Variants in ADGRV1 observed in about 807,000 individuals in gnomAD.
The protein encoded by ADGRV1 is G-protein coupled receptor 98.
Under a neutral mutation model 596.2 loss-of-function variants are expected in ADGRV1, and 359 were observed. The observed-to-expected ratio is 0.60, with a 90% confidence interval of 0.55 to 0.66. The LOEUF is 0.66. ADGRV1 is among the 30% of genes least tolerant of loss of function. The probability of loss-of-function intolerance (pLI) is 0.00; values close to 1 mark genes in which losing one functional copy is unlikely to be tolerated. For synonymous variants in ADGRV1, 2,681 were observed against 2,679.2 expected (o/e 1.00, Z -0.02); for missense variants, 7,274 against 7,575.6 (o/e 0.96, Z 1.48).
chr5:90,970,725 CA>C (rs1778894267), intron 84 of ADGRV1, among the ~76,000 whole-genome samples: 1 of 151,928 alleles, frequency 6.6e-6, no homozygotes, highest in South Asian at 2.1e-4. Context: ...CATCAAAGAC[CA>C]AAGGTAGATA....
In ADGRV1 at chr5:91,153,395, A is replaced by G; in HGVS notation, c.18799A>G (p.Thr6267Ala). 6.3e-7 allele frequency: 1 copy of G among 1,598,836 alleles called. No individual in the cohort carries two copies. The highest frequency in any genetic ancestry group is 8.5e-7 in the Non-Finnish European group (1 of 1,171,780). Residue 6267 changes from threonine to alanine, a missense_variant, in exon 89 of 90, where the codon ACT becomes GCT. By Grantham distance (58) the Thr-to-Ala change is moderately conservative. Coordinates refer to ENST00000405460, the MANE Select transcript of ADGRV1 (RefSeq NM_032119.4). Reference protein sequence around the residue: ...EFDDLIFALKTGAGLSVSDNE... With the variant: ...EFDDLIFALKAGAGLSVSDNE... ...TGATGATTTAATATTTGCATTAAAA[A>G]CTGGTATGTATGAACCCATGAACGA...
chr5:91,099,450 T>C (rs1325993907), intron 86 of ADGRV1, among the ~76,000 whole-genome samples: 1 of 152,020 alleles, frequency 6.6e-6, no homozygotes, highest in African/African-American at 2.4e-5. Context: ...CAGAAGCCAA[T>C]CGTTGTGAGG....
chr5:90,630,949 GTTGCGTTTCTC>G (rs1204341420), intron 9 of ADGRV1, among the ~76,000 whole-genome samples: 3 of 152,010 alleles, frequency 2.0e-5, no homozygotes, highest in Non-Finnish European at 4.4e-5. Flanking sequence ...TTCTTGATCT[GTTGCGTTTCTC>G]TTTTGGGATT....
intron 59 of ADGRV1, among the ~76,000 whole-genome samples, chr5:90,770,099 A>G (rs1432010795): frequency 6.6e-6 from 1 of 152,202 alleles, no homozygotes; most frequent in African/African-American, 2.4e-5. Context: ...AGACTGGGTA[A>G]TTTATAAAGG....
intron 36 of ADGRV1, 22 bp downstream of exon 36, chr5:90,704,510 AT>A (rs757770019): frequency 8.8e-5 from 125 of 1,428,204 alleles, no homozygotes; most frequent in Admixed American, 1.6e-4. Context: ...TTTAATTTTA[AT>A]TTTTTTTGGT....
intron 27 of ADGRV1, among the ~76,000 whole-genome samples, chr5:90,681,734 G>A (rs1041637703): frequency 2.0e-5 from 3 of 152,084 alleles, no homozygotes; most frequent in African/African-American, 7.2e-5. Context: ...AGATTTTTGT[G>A]TTTGTTCAGA....
In ADGRV1 at chr5:90,961,558, G is replaced by A. The variant is rs150463862; in HGVS notation, c.17857-3857G>A. On this transcript the variant is annotated intron_variant, in intron 83 of 89. Coordinates refer to ENST00000405460, the MANE Select transcript of ADGRV1 (RefSeq NM_032119.4). ...TAATTTTATAGGGAAAGGAGTGAGAGTATCCGTAGTAAACTGAGGGAGGAG... is the reference window on the plus strand; with the variant it reads ...TAATTTTATAGGGAAAGGAGTGAGAATATCCGTAGTAAACTGAGGGAGGAG... Among the ~76,000 whole-genome samples, 1,166 of 146,082 alleles carry A rather than the reference G, an allele frequency of 8.0e-3. 15 individuals carry two copies. The highest frequency in any genetic ancestry group is 0.029 in the African/African-American group (1,123 of 38,602).
At chr5:90,607,138 G>C (rs1315969831) in intron 1 of ADGRV1, among the ~76,000 whole-genome samples, 2 of 152,158 alleles carry the variant, frequency 1.3e-5, no homozygotes, top group African/African-American at 4.8e-5. Context: ...GGAAACAGTT[G>C]CAACTCAGTT....
chr5:91,143,279 G>T (rs1469779216), intron 87 of ADGRV1, among the ~76,000 whole-genome samples: 1 of 152,204 alleles, frequency 6.6e-6, no homozygotes, highest in Non-Finnish European at 1.5e-5. Flanking sequence ...TTCTCTCCTT[G>T]TTGCCTGCAA....
At chr5:91,140,635 T>C (rs1795020554) in intron 87 of ADGRV1, among the ~76,000 whole-genome samples, 1 of 152,152 alleles carries the variant, frequency 6.6e-6, no homozygotes, top group African/African-American at 2.4e-5. Context: ...TTTGACCACC[T>C]CCAATCTTCT....
chr5:90,725,000 G>GT lies in ADGRV1; in HGVS notation c.9906+12dup. On this transcript the variant is annotated intron_variant, in intron 46 of 89. Transcript: ENST00000405460. ...TTTATTCCAGTTGAGGTAAACATCAGTATTTTTTTATAGTACAAAAATAAA... is the reference window on the plus strand; with the variant it reads ...TTTATTCCAGTTGAGGTAAACATCAGTTATTTTTTTATAGTACAAAAATAAA... The GT allele has an allele frequency of 6.3e-7, 1 of 1,579,584 alleles. No individual in the cohort carries two copies. Among genetic ancestry groups the GT allele is most frequent in the Non-Finnish European group, 8.6e-7 (1 of 1,166,192 alleles).
Position 90,694,463 on chromosome 5 carries a change from C to A in ADGRV1, c.7707C>A (p.Val2569=). Residue 2569 remains valine, a synonymous_variant, in exon 33 of 90, where the codon GTC becomes GTA. Coordinates refer to ENST00000405460, the MANE Select transcript of ADGRV1 (RefSeq NM_032119.4). ...GACAGCCAAATATTTCTACAGTTGTCATAGCACTAAATGGTGATGCCTTTG... is the reference window on the plus strand; with the variant it reads ...GACAGCCAAATATTTCTACAGTTGTAATAGCACTAAATGGTGATGCCTTTG... The part of the protein sequence containing the change: ...TIGQPNISTV[V]IALNGDAFGV... 6.2e-7 allele frequency: 1 copy of A among 1,613,904 alleles called. No individual in the cohort carries two copies. The highest frequency in any genetic ancestry group is 1.1e-5 in the South Asian group (1 of 91,074).
Position 90,805,447 on chromosome 5 carries a change from C to A in ADGRV1, c.14825C>A (p.Thr4942Asn), listed in dbSNP as rs2150201382. The change falls in exon 72 of 90, where the codon ACC (threonine) becomes AAC (asparagine). Residue 4942 changes from threonine (T) to asparagine (N), a missense_variant. This residue lies in a region of ADGRV1 where 1,874 missense variants were observed against 1,970.2 expected (regional missense o/e 0.95). Transcript: ENST00000405460. ...GAATTCATTGTTGTTGGCAACATGA[C>A]CCCAACACTGGGTGAGTTGTAGTTT... ...IPEFIVVGNM[T>N]PTLGSLSFSH... The A allele has an allele frequency of 6.3e-7, 1 of 1,582,134 alleles. No homozygotes were observed. Among genetic ancestry groups the A allele is most frequent in the East Asian group, 2.3e-5 (1 of 44,192 alleles).
chr5:90,916,673 C>T (rs1773392852), intron 83 of ADGRV1, among the ~76,000 whole-genome samples: 1 of 131,232 alleles, frequency 7.6e-6, no homozygotes, highest in Admixed American at 8.9e-5. Context: ...CGCTCTGTCG[C>T]CCAGGCTGGA....
intron 48 of ADGRV1, among the ~76,000 whole-genome samples, chr5:90,726,150 G>C (rs1348355526): frequency 6.6e-6 from 1 of 152,086 alleles, no homozygotes; most frequent in Non-Finnish European, 1.5e-5. Flanking sequence ...TACCAAAAGG[G>C]GTATTATTCA....
Position 90,828,936 on chromosome 5 carries a change from A to G in ADGRV1, c.16369-8A>G. The G allele has an allele frequency of 1.3e-6, 2 of 1,522,788 alleles. No individual in the cohort carries two copies. Among genetic ancestry groups the G allele is most frequent in the South Asian group, 1.4e-5 (1 of 72,778 alleles). The allele number at this position is 1,522,788 out of a possible 1,614,324, so 94.3% of individuals were successfully genotyped here. On this transcript the variant is annotated splice_region_variant and splice_polypyrimidine_tract_variant and intron_variant, in intron 76 of 89. Transcript: ENST00000405460. ...TAGTTGTTTTTTTTTCCTTTTTCTCATTGTCAGGTACCACAGGTTGAAGTG... is the reference window on the plus strand; with the variant it reads ...TAGTTGTTTTTTTTTCCTTTTTCTCGTTGTCAGGTACCACAGGTTGAAGTG...
chr5:91,103,821 G>A (rs988638763), intron 87 of ADGRV1, among the ~76,000 whole-genome samples: 6 of 152,102 alleles, frequency 3.9e-5, no homozygotes, highest in Admixed American at 3.9e-4. Context: ...TGAGTGTATG[G>A]TTAGAGATGG....
chr5:90,753,666 C>T lies in ADGRV1; in HGVS notation c.11214C>T (p.Thr3738=). 1.9e-6 allele frequency: 3 copies of T among 1,613,412 alleles called. No homozygotes were observed. Among genetic ancestry groups the T allele is most frequent in the Non-Finnish European group, 2.5e-6 (3 of 1,179,608 alleles). ...IPELSEVVIV[T]LTRITTEGVE... ...AGTTATCAGAGGTTGTGATTGTAACCCTCACCCGTATCACCACAGAAGGGG... is the reference window on the plus strand; with the variant it reads ...AGTTATCAGAGGTTGTGATTGTAACTCTCACCCGTATCACCACAGAAGGGG... The change falls in exon 54 of 90, where the codon ACC becomes ACT. Residue 3738 remains threonine, a synonymous_variant. Coordinates refer to ENST00000405460, the MANE Select transcript of ADGRV1 (RefSeq NM_032119.4).
chr5:90,992,702 C>G (rs1781072043), intron 85 of ADGRV1, among the ~76,000 whole-genome samples: 1 of 152,178 alleles, frequency 6.6e-6, no homozygotes, highest in Admixed American at 6.5e-5. Context: ...TCATTGCAAG[C>G]AAGCAAAATA....
Sources: allele counts gnomAD v4.1 joint callset (sites outside exome capture counted in the v4.1 genomes callset), GRCh38; gene constraint gnomAD v4.1.1; regional missense constraint gnomAD v4.1.1; transcripts MANE v1.5; gene names NCBI Gene and HGNC (gene_info 2026-07-23, HGNC 2026-07-21).